The following IL1RL2 variants were observed in gnomAD, a reference collection of about 807,000 sequenced individuals.
IL1RL2 encodes interleukin 1 receptor like 2, also known as interleukin-1 receptor-like 2.
A neutral mutation model predicts 66.8 loss-of-function variants in IL1RL2; 68 were observed. That is an observed-to-expected ratio of 1.02 (90% CI 0.84 to 1.25). The LOEUF (loss-of-function observed/expected upper bound fraction) is 1.25, where lower values mean the gene tolerates loss of function less well. IL1RL2 is among the 50% of genes most tolerant of loss of function. IL1RL2 has a pLI of 0.00. For synonymous variants in IL1RL2, 305 were observed against 264.6 expected (o/e 1.15, Z -1.48); for missense variants, 729 against 709.3 (o/e 1.03, Z -0.32).
At chr2:102,215,991 A>G in intron 6 of IL1RL2, among the ~76,000 whole-genome samples, 1 of 152,242 alleles carries the variant, frequency 6.6e-6, no homozygotes, top group East Asian at 1.9e-4. Flanking sequence ...AAAACAGGAA[A>G]CATGATACCT....
chr2:102,235,768 G>C, intron 11 of IL1RL2: 1 of 985,386 alleles, frequency 1.0e-6, no homozygotes, highest in Non-Finnish European at 1.2e-6. Flanking sequence ...ATGCTCAGGG[G>C]TCATTTGCTG....
intron 9 of IL1RL2, among the ~76,000 whole-genome samples, chr2:102,230,700 T>TGTGC (rs543244775): frequency 5.1e-4 from 78 of 152,312 alleles, no homozygotes; most frequent in African/African-American, 1.7e-3. Context: ...CACGTGTGTG[T>TGTGC]GTGCATGCGT....
At chr2:102,241,574 G>A (rs1344177641), downstream of IL1RL2, among the ~76,000 whole-genome samples, 6 of 152,210 alleles carry the variant, frequency 3.9e-5, no homozygotes, top group Admixed American at 3.9e-4. Context: ...CCCGGTGAAC[G>A]GAAAATGTGT....
rs184118101 is a variant in IL1RL2 at position 102,201,580 on chromosome 2, C to A, written c.514C>A (p.Arg172=). The A allele has an allele frequency of 8.7e-6, 14 of 1,613,916 alleles. No homozygotes were observed. The Admixed American group carries it at 2.2e-4, about 25-fold the overall frequency. The change falls in exon 5 of 12, where the codon CGG becomes AGG. Residue 172 remains arginine, a synonymous_variant. Transcript: ENST00000264257. ...GGACTGTAACGAGATTAAAGGGGAG[C>A]GGTTCACTGTTTTGGAAACCAGGCT... The part of the protein sequence containing the change: ...YKDCNEIKGE[R]FTVLETRLLV...
At position 102,192,498 on chromosome 2, in the gene IL1RL2, T is replaced by G. The variant is rs143570999; in HGVS notation, c.489+378T>G. 7.2e-5 allele frequency among the ~76,000 whole-genome samples: 11 copies of G among 152,314 alleles called. No homozygotes were observed. In the East Asian group the frequency reaches 2.1e-3, roughly 29 times the overall value. On this transcript the variant is annotated intron_variant, in intron 4 of 11. Coordinates refer to ENST00000264257, the MANE Select transcript of IL1RL2 (RefSeq NM_003854.4). Reference sequence around the variant, plus strand: ...CCTCTTTCCTGCTACCGTTCCATATTTGTTCTGGGCTCATCACACCTTCCT... The same window carrying G: ...CCTCTTTCCTGCTACCGTTCCATATGTGTTCTGGGCTCATCACACCTTCCT...
At chr2:102,190,792 G>A (rs565859322) in intron 3 of IL1RL2, among the ~76,000 whole-genome samples, 2 of 152,342 alleles carry the variant, frequency 1.3e-5, no homozygotes, top group East Asian at 1.9e-4. Context: ...AATGAATCTG[G>A]ATGTCGAAGC....
At chr2:102,223,691 C>T (rs1308115884) in intron 8 of IL1RL2, among the ~76,000 whole-genome samples, 2 of 152,186 alleles carry the variant, frequency 1.3e-5, no homozygotes, top group Non-Finnish European at 2.9e-5. Context: ...CAGAGGCTTT[C>T]TGAGCCTCAT....
intron 5 of IL1RL2, among the ~76,000 whole-genome samples, chr2:102,206,641 C>T (rs1299789176): frequency 6.6e-6 from 1 of 152,202 alleles, no homozygotes; most frequent in Non-Finnish European, 1.5e-5. Flanking sequence ...ACACAGGCAC[C>T]ACTTTGGCCA....
Position 102,192,138 on chromosome 2 carries a change from T to G in IL1RL2, c.489+18T>G. On this transcript the variant is annotated intron_variant, in intron 4 of 11. Coordinates refer to ENST00000264257, the MANE Select transcript of IL1RL2 (RefSeq NM_003854.4). ...GGTATAAGGTAAAAAAGAATTTTCT[T>G]ATTGATATTTTTCCTCCTTTTCTTT... 6.6e-7 allele frequency: 1 copy of G among 1,512,694 alleles called. No individual in the cohort carries two copies. The highest frequency in any genetic ancestry group is 1.3e-5 in the South Asian group (1 of 78,490). The allele number at this position is 1,512,694 out of a possible 1,614,324, so 93.7% of individuals were successfully genotyped here.
At chr2:102,194,409 C>T (rs1182563140) in intron 4 of IL1RL2, among the ~76,000 whole-genome samples, 1 of 152,114 alleles carries the variant, frequency 6.6e-6, no homozygotes, top group African/African-American at 2.4e-5. Context: ...GGTATGAACA[C>T]TTTCCTCACT....
At chr2:102,211,247 T>C (rs1249587829) in intron 5 of IL1RL2, among the ~76,000 whole-genome samples, 1 of 152,106 alleles carries the variant, frequency 6.6e-6, no homozygotes, top group African/African-American at 2.4e-5. Flanking sequence ...TCCAAATATA[T>C]AGGAGGAATA....
chr2:102,192,181 A>G, intron 4 of IL1RL2, 61 bp downstream of exon 4: 2 of 1,182,152 alleles, frequency 1.7e-6, no homozygotes, highest in South Asian at 3.1e-5. Context: ...ACTGTTTTTT[A>G]TAGGTTAAGT....
intron 4 of IL1RL2, among the ~76,000 whole-genome samples, chr2:102,196,991 T>C (rs1177783588): frequency 7.9e-5 from 12 of 152,330 alleles, no homozygotes; most frequent in East Asian, 7.7e-4. Flanking sequence ...GCTGATCATT[T>C]GGACTATCCT....
downstream of IL1RL2, among the ~76,000 whole-genome samples, chr2:102,242,873 A>T (rs1675262732): frequency 6.6e-6 from 1 of 152,214 alleles, no homozygotes; most frequent in African/African-American, 2.4e-5. Flanking sequence ...TCATCTGATC[A>T]TTTGCCTTAG....
intron 5 of IL1RL2, among the ~76,000 whole-genome samples, chr2:102,202,568 A>G (rs1688357137): frequency 6.6e-6 from 1 of 151,902 alleles, no homozygotes; most frequent in Non-Finnish European, 1.5e-5. Context: ...TCTTTGGTTA[A>G]TTCCTAGGTA....
chr2:102,230,639 T>C (rs1305810065), intron 9 of IL1RL2, among the ~76,000 whole-genome samples: 1 of 152,180 alleles, frequency 6.6e-6, no homozygotes, highest in Non-Finnish European at 1.5e-5. Context: ...AAGTCTCCAC[T>C]CTTACACAGC....
Position 102,239,355 on chromosome 2 carries a change from C to T in IL1RL2, c.*114C>T, listed in dbSNP as rs1166288559. 3.1e-6 allele frequency: 3 copies of T among 962,748 alleles called. No individual in the cohort carries two copies. The highest frequency in any genetic ancestry group is 1.6e-5 in the African/African-American group (1 of 61,974). The allele number at this position is 962,748 out of a possible 1,614,324, so 59.6% of individuals were successfully genotyped here. A position where few individuals can be genotyped will look rare whatever the true frequency, so the allele number is the denominator to read the frequency against. ...AGGCTAGGGTTAGCATTCTAGACACCCAGTTGAGCTCAGGCGTAGAGAAGA... is the reference window on the plus strand; with the variant it reads ...AGGCTAGGGTTAGCATTCTAGACACTCAGTTGAGCTCAGGCGTAGAGAAGA... On this transcript the variant is annotated 3_prime_UTR_variant, in exon 12 of 12. Transcript: ENST00000264257.
chr2:102,188,449 G>A (rs1971696), intron 2 of IL1RL2, among the ~76,000 whole-genome samples: 151,149 of 152,022 alleles, frequency 0.99, 75,147 homozygotes, highest in Middle Eastern at 1. Flanking sequence ...TTAGCCGGGC[G>A]CGGTGGCGGG....
At chr2:102,219,148 G>T (rs928329715) in intron 7 of IL1RL2, 66 bp downstream of exon 7, 1 of 1,550,010 alleles carries the variant, frequency 6.5e-7, no homozygotes, top group Non-Finnish European at 8.9e-7. Context: ...AGTGAATCTG[G>T]TATCACTACT....
Sources: allele counts gnomAD v4.1 joint callset (sites outside exome capture counted in the v4.1 genomes callset), GRCh38; gene constraint gnomAD v4.1.1; transcripts MANE v1.5; gene names NCBI Gene and HGNC (gene_info 2026-07-23, HGNC 2026-07-21).